ADAM2: variants seen among roughly 807,000 people sequenced by gnomAD.
The protein encoded by ADAM2 is disintegrin and metalloproteinase domain-containing protein 2.
ADAM2 carries 101 observed loss-of-function variants against 99.3 expected under a neutral mutation model. That is an observed-to-expected ratio of 1.02 (90% CI 0.87 to 1.20). The LOEUF is 1.20. Among genes scored for constraint, ADAM2 ranks in the 50% most tolerant of loss-of-function variants. ADAM2 has a pLI of 0.00. For missense variants in ADAM2, 948 were observed against 878.7 expected (o/e 1.08, Z -1.00); for synonymous variants, 323 against 287.6 (o/e 1.12, Z -1.25).
intron 1 of ADAM2, 118 bp downstream of exon 1, chr8:39,838,013 T>C: frequency 9.0e-7 from 1 of 1,111,982 alleles, no homozygotes; most frequent in Non-Finnish European, 1.3e-6. Context: ...AGCTTGGAAT[T>C]GCTGAGTTGG....
rs748753139 is a variant in ADAM2 at position 39,787,008 on chromosome 8, A to T, written c.857T>A (p.Met286Lys). 6.3e-7 allele frequency: 1 copy of T among 1,593,722 alleles called. No homozygotes were observed. Among genetic ancestry groups the T allele is most frequent in the Admixed American group, 1.7e-5 (1 of 57,878 alleles). The change falls in exon 10 of 21, where the codon ATG becomes AAG. Residue 286 changes from methionine (M) to lysine (K), a missense_variant. By Grantham distance (95) the Met-to-Lys change is moderately conservative (BLOSUM62 -1). Coordinates refer to ENST00000265708, the MANE Select transcript of ADAM2 (RefSeq NM_001464.5). ...NYVGATFQGKMCDANYAGGVV... is the reference protein window; with the variant it reads ...NYVGATFQGKKCDANYAGGVV... Reference sequence around the variant, plus strand: ...ACCTCCTGCATAGTTTGCATCACACATCTTCCCTTGAAAGGTTGCACCAAC... The same window carrying T: ...ACCTCCTGCATAGTTTGCATCACACTTCTTCCCTTGAAAGGTTGCACCAAC...
At chr8:39,837,439 T>G (rs1478184940) in intron 1 of ADAM2, among the ~76,000 whole-genome samples, 2 of 151,658 alleles carry the variant, frequency 1.3e-5, no homozygotes, top group African/African-American at 2.4e-5. Flanking sequence ...CAGGCTGGAG[T>G]GCAGTGGTGA....
chr8:39,771,775 A>G (rs896611910), intron 11 of ADAM2, among the ~76,000 whole-genome samples: 6 of 152,136 alleles, frequency 3.9e-5, no homozygotes, highest in African/African-American at 1.4e-4. Flanking sequence ...ATTGCCAAGA[A>G]TTCAAATGAT....
chr8:39,784,682 TC>T, intron 10 of ADAM2, among the ~76,000 whole-genome samples: 1 of 152,310 alleles, frequency 6.6e-6, no homozygotes, highest in South Asian at 2.1e-4. Flanking sequence ...TCTTGTGATT[TC>T]TTAGTGTGGC....
chr8:39,834,237 A>G (rs1014532482), intron 2 of ADAM2, among the ~76,000 whole-genome samples: 1 of 152,164 alleles, frequency 6.6e-6, no homozygotes, highest in Non-Finnish European at 1.5e-5. Context: ...TGAAATGTGT[A>G]TGTTGATTTT....
At position 39,744,811 on chromosome 8, in the gene ADAM2, A is replaced by G. The variant is rs2129582478; in HGVS notation, c.*30+19T>C. 6.5e-7 allele frequency: 1 copy of G among 1,527,946 alleles called. No individual in the cohort carries two copies. Among genetic ancestry groups the G allele is most frequent in the Non-Finnish European group, 8.9e-7 (1 of 1,124,546 alleles). The allele number at this position is 1,527,946 out of a possible 1,614,324, so 94.6% of individuals were successfully genotyped here. A position where few individuals can be genotyped will look rare whatever the true frequency, so the allele number is the denominator to read the frequency against. The stretch of plus-strand genomic sequence containing the variant: ...GTACTTAAAGTAAAATAAATTTTAA[A>G]AAAATGAAAGAAACTCACAGTGATA... On this transcript the variant is annotated intron_variant, in intron 20 of 20. Coordinates refer to ENST00000265708, the MANE Select transcript of ADAM2 (RefSeq NM_001464.5).
intron 16 of ADAM2, among the ~76,000 whole-genome samples, chr8:39,753,567 T>C (rs1802035001): frequency 6.6e-6 from 1 of 152,164 alleles, no homozygotes; most frequent in Non-Finnish European, 1.5e-5. Flanking sequence ...TGGTAGCCCT[T>C]CCCATCACAG....
chr8:39,822,791 A>G (rs1233681735), intron 4 of ADAM2, among the ~76,000 whole-genome samples: 1 of 150,702 alleles, frequency 6.6e-6, no homozygotes, highest in Non-Finnish European at 1.5e-5. Flanking sequence ...GCTTTTTATG[A>G]TGGAGTCTTG....
chr8:39,799,779 C>T (rs565556927), intron 7 of ADAM2, among the ~76,000 whole-genome samples: 4 of 152,080 alleles, frequency 2.6e-5, no homozygotes, highest in Admixed American at 6.6e-5. Flanking sequence ...TTCCCTTTAC[C>T]CTTATGTAGT....
chr8:39,820,981 T>C (rs777792189), intron 6 of ADAM2, 21 bp downstream of exon 6: 1 of 1,492,732 alleles, frequency 6.7e-7, no homozygotes, highest in Admixed American at 2.0e-5. Flanking sequence ...AACCATAGAG[T>C]TTGTTCAATT....
At chr8:39,818,022 A>C (rs1805024509) in intron 6 of ADAM2, 1 of 152,030 alleles carries the variant, frequency 6.6e-6, no homozygotes, top group Non-Finnish European at 1.5e-5. Flanking sequence ...TAATTAAATC[A>C]ATCCTCCACA....
At chr8:39,745,846 T>C (rs1823420050) in intron 19 of ADAM2, among the ~76,000 whole-genome samples, 1 of 151,952 alleles carries the variant, frequency 6.6e-6, no homozygotes, top group African/African-American at 2.4e-5. Flanking sequence ...CAAGATCAAA[T>C]AATAAAAGAA....
At chr8:39,787,137 A>G in intron 9 of ADAM2, 82 bp from the exon 10 acceptor site, 4 of 769,124 alleles carry the variant, frequency 5.2e-6, no homozygotes, top group Non-Finnish European at 8.2e-6. Context: ...TACATTTATG[A>G]TAATCATTAA....
intron 10 of ADAM2, among the ~76,000 whole-genome samples, chr8:39,777,865 AT>A (rs1315824928): frequency 6.6e-6 from 1 of 151,618 alleles, no homozygotes; most frequent in Non-Finnish European, 1.5e-5. Context: ...CAATGATAAT[AT>A]TTTATATAGC....
chr8:39,801,210 T>G (rs1471633585), intron 7 of ADAM2, among the ~76,000 whole-genome samples: 2 of 152,144 alleles, frequency 1.3e-5, no homozygotes, highest in Non-Finnish European at 2.9e-5. Flanking sequence ...GTGGGGGCCT[T>G]TTGTTGTTGA....
intron 2 of ADAM2, 132 bp from the exon 3 acceptor site, chr8:39,834,131 A>G: frequency 1.9e-6 from 1 of 537,774 alleles, no homozygotes; most frequent in Non-Finnish European, 3.2e-6. Flanking sequence ...AATAGAATTT[A>G]ATGCTGATTT....
chr8:39,815,718 G>C (rs1804914585), intron 6 of ADAM2, among the ~76,000 whole-genome samples: 1 of 152,108 alleles, frequency 6.6e-6, no homozygotes, highest in East Asian at 1.9e-4. Flanking sequence ...ACAGCAGAAA[G>C]AATATTTAAA....
intron 7 of ADAM2, among the ~76,000 whole-genome samples, chr8:39,796,964 G>A (rs1168906459): frequency 6.6e-6 from 1 of 151,814 alleles, no homozygotes; most frequent in Non-Finnish European, 1.5e-5. Context: ...TGGGTAGATT[G>A]CAAAAATTTT....
At chr8:39,746,394 C>T (rs7013381) in intron 19 of ADAM2, 78 bp downstream of exon 19, 43 of 923,420 alleles carry the variant, frequency 4.7e-5, no homozygotes, top group Non-Finnish European at 6.7e-5. Flanking sequence ...AATTATTACT[C>T]ATTACATCGA....
Sources: gnomAD v4.1 joint callset for allele counts (sites outside exome capture counted in the v4.1 genomes callset) on GRCh38, gnomAD v4.1.1 for gene constraint, MANE v1.5 for transcripts, NCBI Gene and HGNC (gene_info 2026-07-23, HGNC 2026-07-21) for gene names.